NCOR2: variants seen among roughly 807,000 people sequenced by gnomAD.
NCOR2 encodes the protein nuclear receptor corepressor 2, also known as CTG repeat protein 26.
NCOR2 carries 81 observed loss-of-function variants against 262.9 expected under a neutral mutation model. The observed-to-expected ratio is 0.31, with a 90% confidence interval of 0.26 to 0.37. NCOR2 has a LOEUF of 0.37. NCOR2 is among the 10% of genes least tolerant of loss of function. The pLI is 1.00. For synonymous variants in NCOR2, 1,659 were observed against 1,559.3 expected (o/e 1.06, Z -1.51); for missense variants, 3,385 against 3,621.4 (o/e 0.93, Z 1.68).
chr12:124,465,290 G>A (rs1003750017), intron 5 of NCOR2, among the ~76,000 whole-genome samples: 1 of 151,916 alleles, frequency 6.6e-6, no homozygotes, highest in African/African-American at 2.4e-5. Context: ...ATAAGGGAGG[G>A]GATCAACATC....
chr12:124,428,679 C>T (rs1006035528), intron 10 of NCOR2, among the ~76,000 whole-genome samples: 2 of 152,210 alleles, frequency 1.3e-5, no homozygotes, highest in African/African-American at 2.4e-5. Context: ...AAGCGGCTGT[C>T]GAGCTCTTGA....
intron 1 of NCOR2, among the ~76,000 whole-genome samples, chr12:124,554,763 G>A (rs2051830408): frequency 6.6e-6 from 1 of 152,238 alleles, no homozygotes; most frequent in Non-Finnish European, 1.5e-5. Context: ...AGCGCCCAGG[G>A]CCCAGGTGCC....
intron 37 of NCOR2, 71 bp from the exon 40 acceptor site, chr12:124,337,251 C>T (rs779193260): frequency 2.5e-5 from 37 of 1,493,970 alleles, no homozygotes; most frequent in Non-Finnish European, 4.6e-6. Flanking sequence ...TCGATGAGTC[C>T]CCATTGCCCT....
chr12:124,430,733 CCTT>C (rs2043861184), exon 9 of NCOR2: 1 of 1,614,194 alleles, frequency 6.2e-7, no homozygotes. Flanking sequence ...ATGCGCTCCA[CCTT>C]CTTCTCCCAG....
rs1278054870 is a variant in NCOR2 at position 124,443,222 on chromosome 12, G to A, written c.816-5226C>T. On this transcript the variant is annotated intron_variant, in intron 7 of 46. Coordinates refer to ENST00000405201, the Ensembl canonical transcript of NCOR2. The surrounding 1 kb of genome is among the most constrained non-coding windows in gnomAD (Gnocchi z 4.4). Reference sequence around the variant, plus strand: ...TGTCACTGCAGCTGGAAAACGACTCGGTGAGCATGAGGCCTCGGGGTGGTG... The same window carrying A: ...TGTCACTGCAGCTGGAAAACGACTCAGTGAGCATGAGGCCTCGGGGTGGTG... Among the ~76,000 whole-genome samples the A allele has an allele frequency of 4.6e-5, 7 of 152,222 alleles. No homozygotes were observed. Among genetic ancestry groups the A allele is most frequent in the Non-Finnish European group, 1.0e-4 (7 of 68,038 alleles).
intron 31 of NCOR2, among the ~76,000 whole-genome samples, chr12:124,345,513 C>T (rs1300617465): frequency 1.3e-5 from 2 of 152,232 alleles, no homozygotes; most frequent in African/African-American, 2.4e-5. Flanking sequence ...AGGTCCCCTG[C>T]CTCTTTTCAG....
chr12:124,428,631 C>T (rs1278086120), intron 10 of NCOR2, among the ~76,000 whole-genome samples: 1 of 152,194 alleles, frequency 6.6e-6, no homozygotes, highest in Non-Finnish European at 1.5e-5. Context: ...GGGAGGTGTT[C>T]GCTGTCTGCT....
intron 34 of NCOR2, 92 bp from the exon 37 acceptor site, chr12:124,340,843 C>T: frequency 7.8e-7 from 1 of 1,276,184 alleles, no homozygotes; most frequent in Non-Finnish European, 1.0e-6. Context: ...GAGCACGGCA[C>T]ACACTCCTGG....
At chr12:124,327,268 G>T in intron 45 of NCOR2, 141 bp downstream of exon 47, 1 of 713,536 alleles carries the variant, frequency 1.4e-6, no homozygotes, top group East Asian at 2.7e-5. Flanking sequence ...GCAAACTCCA[G>T]AACGAGGTCA....
chr12:124,353,546 T>C (rs3782251), intron 27 of NCOR2, among the ~76,000 whole-genome samples: 49,385 of 152,042 alleles, frequency 0.32, 8,379 homozygotes, highest in East Asian at 0.46. Flanking sequence ...GCTCTGTCAC[T>C]GTGTTCTAGA....
chr12:124,522,967 G>C (rs1346546962), intron 1 of NCOR2, among the ~76,000 whole-genome samples: 4 of 152,186 alleles, frequency 2.6e-5, no homozygotes, highest in Non-Finnish European at 1.5e-5. Context: ...GCAGCTTGAG[G>C]AAAGGGGCCT....
chr12:124,529,669 T>C (rs1214133388), intron 1 of NCOR2: 1 of 152,090 alleles, frequency 6.6e-6, no homozygotes, highest in African/African-American at 2.4e-5. Context: ...TCTCCCACCA[T>C]CCTTTAGACT....
intron 13 of NCOR2, among the ~76,000 whole-genome samples, chr12:124,417,309 T>TC (rs1428626375): frequency 1.4e-5 from 2 of 143,012 alleles, no homozygotes; most frequent in African/African-American, 5.1e-5. Context: ...ACACTCACTC[T>TC]ACTGGACACT....
At chr12:124,565,929 G>A (rs1327804384) in intron 1 of NCOR2, among the ~76,000 whole-genome samples, 2 of 152,080 alleles carry the variant, frequency 1.3e-5, no homozygotes, top group East Asian at 3.9e-4. Flanking sequence ...CCCCAAAGAG[G>A]CCACCCACGA....
At position 124,326,025 on chromosome 12, in the gene NCOR2, C is replaced by A. The variant is rs564732422; in HGVS notation, c.7363+166G>T. 5 of 724,698 alleles carry A rather than the reference C, an allele frequency of 6.9e-6. No homozygotes were observed. The African/African-American group carries it at 9.3e-5, about 13-fold the overall frequency. The allele number at this position is 724,698 out of a possible 1,614,324, so 44.9% of individuals were successfully genotyped here. ...CCCTGGCAGAAGCATCCTGATGGTTCGTGAGCCAGGCTCAGCTGCCCAGGC... is the reference window on the plus strand; with the variant it reads ...CCCTGGCAGAAGCATCCTGATGGTTAGTGAGCCAGGCTCAGCTGCCCAGGC... On this transcript the variant is annotated intron_variant, in intron 46 of 46. Transcript: ENST00000405201.
chr12:124,465,791 C>T (rs1391064427), intron 5 of NCOR2, among the ~76,000 whole-genome samples: 4 of 152,212 alleles, frequency 2.6e-5, no homozygotes, highest in African/African-American at 4.8e-5. Flanking sequence ...CTCACTGCTG[C>T]GGTCATAATG....
intron 8 of NCOR2, among the ~76,000 whole-genome samples, chr12:124,431,083 A>T (rs2043887961): frequency 6.8e-6 from 1 of 146,876 alleles, no homozygotes; most frequent in Non-Finnish European, 1.5e-5. Context: ...ACATGCACAT[A>T]CAGGCACACA....
At chr12:124,393,858 G>A (rs10773087) in intron 16 of NCOR2, among the ~76,000 whole-genome samples, 14,410 of 152,334 alleles carry the variant, frequency 0.095, 1,367 homozygotes, top group East Asian at 0.57. Context: ...GCAGTGCCCA[G>A]CACGCAGGAT....
chr12:124,353,971 C>T (rs533909319), intron 27 of NCOR2, 122 bp downstream of exon 29: 1 of 859,582 alleles, frequency 1.2e-6, no homozygotes, highest in Non-Finnish European at 1.8e-6. Context: ...GAGTGAACTG[C>T]TGTCCCCCAG....
Sources: allele counts gnomAD v4.1 joint callset (sites outside exome capture counted in the v4.1 genomes callset), GRCh38; gene constraint gnomAD v4.1.1; non-coding constraint Gnocchi (gnomAD v3.1); transcripts MANE v1.5; gene names NCBI Gene and HGNC (gene_info 2026-07-23, HGNC 2026-07-21).